Variants in ALK observed in about 807,000 individuals in gnomAD.
ALK encodes the protein ALK receptor tyrosine kinase, also known as ALK tyrosine kinase receptor.
Under a neutral mutation model 163.1 loss-of-function variants are expected in ALK, and 74 were observed. That is an observed-to-expected ratio of 0.45 (90% CI 0.38 to 0.55). The LOEUF (loss-of-function observed/expected upper bound fraction) is 0.55. ALK is among the 20% of genes least tolerant of loss of function. The probability of loss-of-function intolerance (pLI) is 0.00; values close to 1 mark genes in which losing one functional copy is unlikely to be tolerated. For missense variants in ALK, 2,063 were observed against 2,105.3 expected (o/e 0.98, Z 0.39); for synonymous variants, 960 against 843.2 (o/e 1.14, Z -2.40).
chr2:29,569,725 G>GA (rs1349092207), intron 3 of ALK, among the ~76,000 whole-genome samples: 4 of 152,190 alleles, frequency 2.6e-5, no homozygotes, highest in Middle Eastern at 3.2e-3. Context: ...TGACTAACAT[G>GA]ATTATTCTAC....
intron 4 of ALK, among the ~76,000 whole-genome samples, chr2:29,444,143 A>G (rs980326713): frequency 3.9e-5 from 6 of 152,210 alleles, no homozygotes; most frequent in South Asian, 4.1e-4. Flanking sequence ...GAACAGTCCT[A>G]CGTGGGGAGG....
intron 1 of ALK, among the ~76,000 whole-genome samples, chr2:29,801,942 T>C (rs1012751630): frequency 3.9e-5 from 6 of 152,150 alleles, no homozygotes; most frequent in Admixed American, 1.3e-4. Flanking sequence ...AGTAAACAAC[T>C]TCTTAACCCC....
At chr2:29,903,161 A>G (rs1667458625) in intron 1 of ALK, among the ~76,000 whole-genome samples, 1 of 152,174 alleles carries the variant, frequency 6.6e-6, no homozygotes, top group Non-Finnish European at 1.5e-5. Flanking sequence ...CTGTTACCCT[A>G]TAGAACCGTA....
rs1016471516 is a variant in ALK, at chr2:29,227,115, C to A, written c.2915-41G>T. ...GAGGGTCAGTCTTGGGCCGAGCCTG[C>A]CTCCCCACTCCCAGCCTCAGTACTA... On this transcript the variant is annotated intron_variant, in intron 17 of 28. Transcript: ENST00000389048. The surrounding 1 kb of genome is among the most constrained non-coding windows in gnomAD (Gnocchi z 4.4). The A allele has an allele frequency of 6.2e-7, 1 of 1,613,710 alleles. No individual in the cohort carries two copies. Among genetic ancestry groups the A allele is most frequent in the Admixed American group, 1.7e-5 (1 of 60,006 alleles).
At chr2:29,608,049 G>C (rs965683484) in intron 3 of ALK, among the ~76,000 whole-genome samples, 4 of 152,038 alleles carry the variant, frequency 2.6e-5, no homozygotes, top group African/African-American at 9.7e-5. Flanking sequence ...GCTTTGTCTG[G>C]AATGCTCTCT....
chr2:29,705,363 AT>A (rs1291724526), intron 2 of ALK, among the ~76,000 whole-genome samples: 1 of 148,744 alleles, frequency 6.7e-6, no homozygotes, highest in African/African-American at 2.5e-5. Flanking sequence ...ATATTAATAG[AT>A]GGATACTCTT....
chr2:29,822,988 G>C (rs1164496676), intron 1 of ALK, among the ~76,000 whole-genome samples: 3 of 152,216 alleles, frequency 2.0e-5, no homozygotes, highest in Non-Finnish European at 2.9e-5. Flanking sequence ...TGGTTTGACT[G>C]TGTCCCCACC....
intron 3 of ALK, among the ~76,000 whole-genome samples, chr2:29,692,997 AC>A (rs1213476365): frequency 6.6e-6 from 1 of 152,200 alleles, no homozygotes; most frequent in Non-Finnish European, 1.5e-5. Context: ...AAACATGCAA[AC>A]CTAGTCAATA....
chr2:29,536,875 C>A (rs1248098090), intron 3 of ALK, among the ~76,000 whole-genome samples: 2 of 152,182 alleles, frequency 1.3e-5, no homozygotes, highest in East Asian at 3.9e-4. Flanking sequence ...AATTGGGCTG[C>A]ATTCATGTTC....
chr2:29,645,319 T>C (rs1676840473), intron 3 of ALK, among the ~76,000 whole-genome samples: 1 of 152,114 alleles, frequency 6.6e-6, no homozygotes, highest in Non-Finnish European at 1.5e-5. Context: ...AAATGAGGTG[T>C]CTTTCCTTGT....
chr2:29,354,964 C>T (rs933203386), intron 5 of ALK, among the ~76,000 whole-genome samples: 50 of 152,192 alleles, frequency 3.3e-4, no homozygotes, highest in African/African-American at 1.1e-3. Flanking sequence ...GACGGGGTTT[C>T]ACTGTGTTAG....
intron 3 of ALK, among the ~76,000 whole-genome samples, chr2:29,678,980 C>G (rs1433697998): frequency 6.6e-6 from 1 of 151,876 alleles, no homozygotes; most frequent in South Asian, 2.1e-4. Context: ...AAATCTCCCA[C>G]TATAATTGTT....
chr2:29,615,833 G>C (rs1675828082), intron 3 of ALK, among the ~76,000 whole-genome samples: 2 of 152,216 alleles, frequency 1.3e-5, no homozygotes, highest in Non-Finnish European at 2.9e-5. Context: ...GCTTCAAATA[G>C]TGCTTGAGCT....
intron 1 of ALK, among the ~76,000 whole-genome samples, chr2:29,735,832 C>T (rs931755722): frequency 6.6e-5 from 10 of 152,030 alleles, no homozygotes; most frequent in African/African-American, 2.2e-4. Context: ...GTAAATTTCC[C>T]GAGCCCTCCT....
intron 3 of ALK, among the ~76,000 whole-genome samples, chr2:29,608,654 C>T (rs1278852723): frequency 6.6e-6 from 1 of 152,184 alleles, no homozygotes. Context: ...TGCTCCTTGA[C>T]CTCTAGACCA....
intron 4 of ALK, among the ~76,000 whole-genome samples, chr2:29,430,247 G>A (rs1481753862): frequency 1.3e-5 from 2 of 151,986 alleles, no homozygotes; most frequent in African/African-American, 4.8e-5. Flanking sequence ...CATACCATCA[G>A]GAAACTGAAA....
chr2:29,889,085 T>C (rs1667066097), intron 1 of ALK, among the ~76,000 whole-genome samples: 1 of 152,304 alleles, frequency 6.6e-6, no homozygotes, highest in Non-Finnish European at 1.5e-5. Context: ...AACCAAAAAG[T>C]GACTTTGAAT....
At chr2:29,737,503 G>T (rs867594794) in intron 1 of ALK, among the ~76,000 whole-genome samples, 1 of 152,094 alleles carries the variant, frequency 6.6e-6, no homozygotes, top group Admixed American at 6.6e-5. Context: ...CAGCTAAGAA[G>T]ACGTTAATTC....
chr2:29,617,956 T>C (rs886780795), intron 3 of ALK, among the ~76,000 whole-genome samples: 1 of 152,210 alleles, frequency 6.6e-6, no homozygotes, highest in South Asian at 2.1e-4. Context: ...AGCACCACCG[T>C]TGGGCTGGGA....
Sources: gnomAD v4.1 joint callset for allele counts (sites outside exome capture counted in the v4.1 genomes callset) on GRCh38, gnomAD v4.1.1 for gene constraint, Gnocchi (gnomAD v3.1) non-coding constraint, MANE v1.5 for transcripts, NCBI Gene and HGNC (gene_info 2026-07-23, HGNC 2026-07-21) for gene names.